The following SDK1 variants were observed in gnomAD, a reference collection of about 807,000 sequenced individuals.
The protein encoded by SDK1 is sidekick cell adhesion molecule 1.
A neutral mutation model predicts 245.5 loss-of-function variants in SDK1; 157 were observed. That is an observed-to-expected ratio of 0.64 (90% CI 0.56 to 0.73). The LOEUF (loss-of-function observed/expected upper bound fraction) is 0.73, where lower values mean the gene tolerates loss of function less well. SDK1 is among the 30% of genes least tolerant of loss of function. The probability of loss-of-function intolerance (pLI) is 0.00; values close to 1 mark genes in which losing one functional copy is unlikely to be tolerated. For synonymous variants in SDK1, 1,647 were observed against 1,278.5 expected, an observed-to-expected ratio of 1.29 and a Z score of -6.15; for missense variants, 3,583 against 3,002.3, an observed-to-expected ratio of 1.19 and a Z score of -4.52.
intron 17 of SDK1, among the ~76,000 whole-genome samples, chr7:4,027,503 A>G (rs1232107880): frequency 6.6e-6 from 1 of 152,216 alleles, no homozygotes; most frequent in African/African-American, 2.4e-5. Flanking sequence ...CACCTGGCCC[A>G]GGAGGGCCTA....
chr7:3,828,111 A>C (rs969160688), intron 5 of SDK1, among the ~76,000 whole-genome samples: 3 of 152,048 alleles, frequency 2.0e-5, no homozygotes, highest in African/African-American at 7.2e-5. Context: ...CTCCATCTCT[A>C]TTAAAAATAC....
At chr7:3,481,597 C>T (rs1379563862) in intron 1 of SDK1, among the ~76,000 whole-genome samples, 1 of 152,214 alleles carries the variant, frequency 6.6e-6, no homozygotes, top group Non-Finnish European at 1.5e-5. Flanking sequence ...AACCACCCTT[C>T]CTTCCCACAT....
intron 5 of SDK1, among the ~76,000 whole-genome samples, chr7:3,928,042 T>C (rs1272656274): frequency 6.6e-6 from 1 of 152,240 alleles, no homozygotes; most frequent in Non-Finnish European, 1.5e-5. Context: ...TGACGACTTA[T>C]CTTTCCATTT....
At chr7:3,324,055 GTGTAAATGGGC>G (rs58880763) in intron 1 of SDK1, among the ~76,000 whole-genome samples, 16,781 of 152,162 alleles carry the variant, frequency 0.11, 1,169 homozygotes, top group African/African-American at 0.19. Context: ...AGAGAAATGA[GTGTAAATGGGC>G]TGTTGGCCCT....
At chr7:3,405,514 A>C (rs1407172075) in intron 1 of SDK1, among the ~76,000 whole-genome samples, 1 of 152,170 alleles carries the variant, frequency 6.6e-6, no homozygotes, top group Admixed American at 6.6e-5. Context: ...TAGCTCCCCC[A>C]AAATCTCTGC....
At chr7:3,368,313 A>G (rs970081195) in intron 1 of SDK1, among the ~76,000 whole-genome samples, 9 of 152,202 alleles carry the variant, frequency 5.9e-5, no homozygotes, top group African/African-American at 1.9e-4. Context: ...TATTGACATC[A>G]AAGTTACTTG....
At chr7:3,562,888 G>A (rs2614943) in intron 1 of SDK1, among the ~76,000 whole-genome samples, 13 of 151,666 alleles carry the variant, frequency 8.6e-5, no homozygotes, top group East Asian at 1.9e-4. Context: ...AAATATGAAG[G>A]GAAGCAAATA....
chr7:3,930,106 C>G (rs1341696220), intron 5 of SDK1, among the ~76,000 whole-genome samples: 1 of 152,150 alleles, frequency 6.6e-6, no homozygotes, highest in East Asian at 1.9e-4. Flanking sequence ...ATGTGTAACC[C>G]AGGCAGCTCG....
At chr7:3,783,625 G>A (rs554820994) in intron 4 of SDK1, among the ~76,000 whole-genome samples, 8 of 152,174 alleles carry the variant, frequency 5.3e-5, no homozygotes, top group Admixed American at 3.3e-4. Context: ...CAACAGCTAC[G>A]AAAATTACTT....
intron 1 of SDK1, among the ~76,000 whole-genome samples, chr7:3,478,520 T>C (rs1385467938): frequency 1.3e-5 from 2 of 152,090 alleles, no homozygotes; most frequent in Non-Finnish European, 2.9e-5. Context: ...AAAATAACTT[T>C]ATTTTTAAAG....
intron 22 of SDK1, among the ~76,000 whole-genome samples, chr7:4,107,093 C>T (rs1454824525): frequency 7.2e-6 from 1 of 139,370 alleles, no homozygotes; most frequent in Non-Finnish European, 1.5e-5. Context: ...CTCCCTCAGG[C>T]AGCCGAATAC....
intron 1 of SDK1, among the ~76,000 whole-genome samples, chr7:3,595,439 G>C (rs914674535): frequency 3.3e-5 from 5 of 151,912 alleles, no homozygotes; most frequent in African/African-American, 1.2e-4. Context: ...GCTTGGTCTT[G>C]GGTAAGAGGC....
At chr7:4,116,778 T>G (rs1783739284) in intron 25 of SDK1, among the ~76,000 whole-genome samples, 1 of 152,174 alleles carries the variant, frequency 6.6e-6, no homozygotes, top group Non-Finnish European at 1.5e-5. Context: ...TGTTAGGGCG[T>G]GGCGTGAACC....
intron 13 of SDK1, among the ~76,000 whole-genome samples, chr7:3,984,777 C>T (rs1583728103): frequency 1.3e-5 from 2 of 152,192 alleles, no homozygotes; most frequent in South Asian, 2.1e-4. Flanking sequence ...GGTCATCTGA[C>T]ATTGTGTCCA....
At position 3,561,969 on chromosome 7, in the gene SDK1, C is replaced by G. The variant is rs538964316; in HGVS notation, c.299-57111C>G. On this transcript the variant is annotated intron_variant, in intron 1 of 44. Transcript: ENST00000404826. ...GTTAAAATGGATTGAGAAAGATTAACACAAATGCTGGTGGGAAAAAATATA... is the reference window on the plus strand; with the variant it reads ...GTTAAAATGGATTGAGAAAGATTAAGACAAATGCTGGTGGGAAAAAATATA... Among the ~76,000 whole-genome samples the G allele has an allele frequency of 8.5e-5, 13 of 152,296 alleles. No individual in the cohort carries two copies. In the East Asian group the frequency reaches 2.5e-3, roughly 29 times the overall value.
intron 1 of SDK1, among the ~76,000 whole-genome samples, chr7:3,521,827 A>T (rs549056827): frequency 1.4e-4 from 21 of 152,276 alleles, no homozygotes; most frequent in Middle Eastern, 3.4e-3. Context: ...AGGTTTGGAG[A>T]GGCATGCAGT....
At chr7:3,321,835 T>TG (rs1779821758) in intron 1 of SDK1, among the ~76,000 whole-genome samples, 2 of 121,694 alleles carry the variant, frequency 1.6e-5, no homozygotes, top group African/African-American at 7.3e-5. Context: ...CTTCCTCCTT[T>TG]TCTCTCTCTC....
chr7:3,543,611 GA>G (rs1440237164), intron 1 of SDK1, among the ~76,000 whole-genome samples: 2 of 152,154 alleles, frequency 1.3e-5, no homozygotes, highest in African/African-American at 4.8e-5. Flanking sequence ...TTACTTCTGA[GA>G]AAAAAAGTTT....
At chr7:3,557,641 A>G (rs900261894) in intron 1 of SDK1, among the ~76,000 whole-genome samples, 2 of 152,238 alleles carry the variant, frequency 1.3e-5, no homozygotes, top group Non-Finnish European at 2.9e-5. Flanking sequence ...TCCTGGTCCC[A>G]GCATTGTACT....
Sources: allele counts gnomAD v4.1 joint callset (sites outside exome capture counted in the v4.1 genomes callset), GRCh38; gene constraint gnomAD v4.1.1; transcripts MANE v1.5; gene names NCBI Gene and HGNC (gene_info 2026-07-23, HGNC 2026-07-21).